The following SLC18B1 variants were observed in gnomAD, a reference collection of about 807,000 sequenced individuals.
SLC18B1 encodes the protein MFS-type transporter SLC18B1.
A neutral mutation model predicts 53.9 loss-of-function variants in SLC18B1; 62 were observed. The observed-to-expected ratio is 1.15, with a 90% confidence interval of 0.94 to 1.42. The LOEUF (loss-of-function observed/expected upper bound fraction) is 1.42. Ranked by LOEUF, SLC18B1 falls within the 40% of genes most tolerant of loss-of-function variation. The pLI is 0.00. For synonymous variants in SLC18B1, 217 were observed against 200.9 expected (o/e 1.08, Z -0.68); for missense variants, 598 against 547.3 (o/e 1.09, Z -0.93).
intron 1 of SLC18B1, among the ~76,000 whole-genome samples, chr6:132,797,547 A>G (rs978982292): frequency 6.6e-6 from 1 of 152,168 alleles, no homozygotes; most frequent in African/African-American, 2.4e-5. Flanking sequence ...GCAGTGAGCC[A>G]AGATCGCACC....
Position 132,774,673 on chromosome 6 carries a change from C to T in SLC18B1, c.898-360G>A, listed in dbSNP as rs113151136. 3.0e-3 allele frequency among the ~76,000 whole-genome samples: 450 copies of T among 152,154 alleles called. 5 individuals carry two copies. Among genetic ancestry groups the T allele is most frequent in the African/African-American group, 0.01 (427 of 41,504 alleles). On this transcript the variant is annotated intron_variant, in intron 8 of 13. Coordinates refer to ENST00000275227, the MANE Select transcript of SLC18B1 (RefSeq NM_052831.3). The stretch of plus-strand genomic sequence containing the variant: ...CCTATAATCCCAAAACTTTGAGAGG[C>T]CGAGGTGGGAAGATCCCTTGAGCTC...
At chr6:132,781,094 T>G (rs1215058131) in intron 6 of SLC18B1, among the ~76,000 whole-genome samples, 1 of 152,220 alleles carries the variant, frequency 6.6e-6, no homozygotes, top group Non-Finnish European at 1.5e-5. Flanking sequence ...GATTCTAATT[T>G]TAATTGGTTA....
chr6:132,774,100 C>T (rs1781042518), intron 9 of SLC18B1, 122 bp downstream of exon 9: 2 of 600,472 alleles, frequency 3.3e-6, no homozygotes, highest in Admixed American at 5.8e-5. Context: ...CAATAGAGTC[C>T]TAAAGTTAAT....
intron 2 of SLC18B1, among the ~76,000 whole-genome samples, chr6:132,796,082 C>G (rs1224982360): frequency 6.6e-6 from 1 of 152,068 alleles, no homozygotes; most frequent in African/African-American, 2.4e-5. Flanking sequence ...GGCACGGTGA[C>G]TCACGCCTGT....
chr6:132,792,239 GAA>G (rs1311382105), intron 2 of SLC18B1, among the ~76,000 whole-genome samples: 4 of 6,100 alleles, frequency 6.6e-4, no homozygotes, highest in African/African-American at 4.3e-3. Flanking sequence ...AAGAAAGAAA[GAA>G]AGAAAGAAAG....
Position 132,770,822 on chromosome 6 carries a change from G to A in SLC18B1, c.1304+68C>T, listed in dbSNP as rs1315052650. On this transcript the variant is annotated intron_variant, in intron 13 of 13. Transcript: ENST00000275227. ...CTGACTGGAAGAATAAATGTAAAATGTTATTTATTTTCCACTTGCACTGGC... is the reference window on the plus strand; with the variant it reads ...CTGACTGGAAGAATAAATGTAAAATATTATTTATTTTCCACTTGCACTGGC... 3.6e-6 allele frequency: 5 copies of A among 1,381,732 alleles called. No individual in the cohort carries two copies. The South Asian group carries it at 6.2e-5, about 17-fold the overall frequency. 85.6% of individuals were successfully genotyped at this position (1,381,732 alleles called of 1,614,324 possible).
At chr6:132,785,390 G>T (rs1169044317) in intron 5 of SLC18B1, among the ~76,000 whole-genome samples, 1 of 152,084 alleles carries the variant, frequency 6.6e-6, no homozygotes, top group Non-Finnish European at 1.5e-5. Flanking sequence ...GGAAAAAAAG[G>T]GTTTACCACT....
At position 132,779,367 on chromosome 6, in the gene SLC18B1, G is replaced by A. The variant is rs987989439; in HGVS notation, c.696C>T (p.Ile232=). The change falls in exon 7 of 14, where the codon ATC becomes ATT. Residue 232 remains isoleucine (I), a synonymous_variant. Transcript: ENST00000275227. ...DPGEHSFWKL[I]ALPKVGLIAF... is the part of the protein sequence containing the mutation. ...CTATAAGGCCAACTTTGGGTAAAGC[G>A]ATCAGTTTCCAGAATGAGTGTTCAC... is the stretch of plus-strand genomic sequence containing the variant. 9.9e-6 allele frequency: 16 copies of A among 1,613,166 alleles called. No homozygotes were observed. In the East Asian group the frequency reaches 2.2e-4, roughly 22 times the overall value.
At chr6:132,778,783 T>C (rs1471517261) in intron 7 of SLC18B1, among the ~76,000 whole-genome samples, 4 of 152,234 alleles carry the variant, frequency 2.6e-5, no homozygotes, top group African/African-American at 9.6e-5. Flanking sequence ...TATTTTTTAA[T>C]GCTAAGGATA....
intron 2 of SLC18B1, among the ~76,000 whole-genome samples, chr6:132,791,721 G>A (rs1383168334): frequency 6.6e-6 from 1 of 152,012 alleles, no homozygotes; most frequent in African/African-American, 2.4e-5. Flanking sequence ...CATAATTCTT[G>A]GGCTTCATAA....
intron 7 of SLC18B1, among the ~76,000 whole-genome samples, chr6:132,777,134 T>C (rs1175945588): frequency 6.6e-6 from 1 of 151,860 alleles, no homozygotes; most frequent in Non-Finnish European, 1.5e-5. Context: ...GGCAGGAGAA[T>C]CGAGGTGGAG....
chr6:132,791,415 T>C (rs1034925946), intron 2 of SLC18B1, among the ~76,000 whole-genome samples: 5 of 152,188 alleles, frequency 3.3e-5, no homozygotes, highest in African/African-American at 9.7e-5. Flanking sequence ...ATGATAAAAA[T>C]TTTCTCCATC....
rs934308749 is a variant in SLC18B1 at position 132,784,037 on chromosome 6, C to T, written c.554G>A (p.Gly185Asp). 2.1e-5 allele frequency: 33 copies of T among 1,609,020 alleles called. No homozygotes were observed. The highest frequency in any genetic ancestry group is 2.7e-5 in the Non-Finnish European group (32 of 1,177,874). Residue 185 changes from glycine (G) to aspartate (D), a missense_variant, in exon 6 of 14, where the codon GGT becomes GAT. Transcript: ENST00000275227. ...GCCAAAGGATTGATACAAAAAGCCA[C>T]CTACAGGAGGACCTAGTATTAGCCC... is the stretch of plus-strand genomic sequence containing the variant. ...GLGLILGPPV[G>D]GFLYQSFGYE...
chr6:132,779,711 T>C (rs1424070754), intron 6 of SLC18B1, among the ~76,000 whole-genome samples: 1 of 152,202 alleles, frequency 6.6e-6, no homozygotes, highest in African/African-American at 2.4e-5. Context: ...AGAGATAATA[T>C]CAGGTTTGGA....
At chr6:132,779,708 A>C (rs1320275048) in intron 6 of SLC18B1, among the ~76,000 whole-genome samples, 1 of 152,216 alleles carries the variant, frequency 6.6e-6, no homozygotes, top group Non-Finnish European at 1.5e-5. Flanking sequence ...GCCAGAGATA[A>C]TATCAGGTTT....
intron 2 of SLC18B1, 145 bp from the exon 3 acceptor site, chr6:132,790,417 G>C (rs1781493386): frequency 1.9e-6 from 1 of 524,824 alleles, no homozygotes; most frequent in Non-Finnish European, 3.2e-6. Flanking sequence ...AAATAAATGG[G>C]GTGGGGAAGG....
At position 132,784,061 on chromosome 6, in the gene SLC18B1, C is replaced by T; in HGVS notation, c.530G>A (p.Gly177Glu). The T allele has an allele frequency of 1.3e-6, 2 of 1,580,580 alleles. No homozygotes were observed. Among genetic ancestry groups the T allele is most frequent in the Non-Finnish European group, 1.7e-6 (2 of 1,168,212 alleles). The change falls in exon 6 of 14, where the codon GGG becomes GAG. Residue 177 changes from glycine to glutamate, a missense_variant. Transcript: ENST00000275227. ...ACCTACAGGAGGACCTAGTATTAGCCCCAGTCCAGAAAAAGTCTCAAGACT... is the reference window on the plus strand; with the variant it reads ...ACCTACAGGAGGACCTAGTATTAGCTCCAGTCCAGAAAAAGTCTCAAGACT... Reference protein sequence around the residue: ...LGSLETFSGLGLILGPPVGGF... With the variant: ...LGSLETFSGLELILGPPVGGF...
At chr6:132,780,886 A>G (rs1781219282) in intron 6 of SLC18B1, among the ~76,000 whole-genome samples, 1 of 152,078 alleles carries the variant, frequency 6.6e-6, no homozygotes. Flanking sequence ...TTATAAGCCA[A>G]GTATTCAATG....
At chr6:132,776,503 C>A in intron 7 of SLC18B1, 74 bp from the exon 8 acceptor site, 1 of 1,072,964 alleles carries the variant, frequency 9.3e-7, no homozygotes, top group Non-Finnish European at 1.4e-6. Context: ...TTCCCTCTAC[C>A]ATTTCTTTAG....
Sources: allele counts gnomAD v4.1 joint callset (sites outside exome capture counted in the v4.1 genomes callset), GRCh38; gene constraint gnomAD v4.1.1; transcripts MANE v1.5; gene names NCBI Gene and HGNC (gene_info 2026-07-23, HGNC 2026-07-21).